The following SLC25A21 variants were observed in gnomAD, a reference collection of about 807,000 sequenced individuals.
SLC25A21 encodes the protein mitochondrial 2-oxodicarboxylate carrier.
In SLC25A21, 47 loss-of-function variants were observed where a neutral mutation model predicts 43.8. The observed-to-expected ratio is 1.07, with a 90% CI of 0.85 to 1.37. The LOEUF is 1.37. SLC25A21 is among the 40% of genes most tolerant of loss of function. SLC25A21 has a pLI of 0.00. For synonymous variants in SLC25A21, 131 were observed against 121.3 expected (o/e 1.08, Z -0.52); for missense variants, 352 against 350.2 (o/e 1.00, Z -0.04).
chr14:36,971,242 T>A (rs73256218), intron 1 of SLC25A21, among the ~76,000 whole-genome samples: 16,432 of 152,148 alleles, frequency 0.11, 2,452 homozygotes, highest in African/African-American at 0.33. Context: ...ATCATTTTCT[T>A]TTCTAACAAA....
intron 1 of SLC25A21, among the ~76,000 whole-genome samples, chr14:37,110,847 G>A (rs919227587): frequency 3.9e-5 from 6 of 152,030 alleles, no homozygotes; most frequent in African/African-American, 1.4e-4. Flanking sequence ...GTTTTGAAGA[G>A]ACTATAAACT....
chr14:36,897,247 C>CT (rs1891267742), intron 1 of SLC25A21, among the ~76,000 whole-genome samples: 1 of 152,084 alleles, frequency 6.6e-6, no homozygotes, highest in South Asian at 2.1e-4. Flanking sequence ...TCTTTTTATT[C>CT]TTTTTTCTCT....
At chr14:36,839,134 G>A (rs961453604) in intron 2 of SLC25A21, among the ~76,000 whole-genome samples, 2 of 152,140 alleles carry the variant, frequency 1.3e-5, no homozygotes, top group Non-Finnish European at 2.9e-5. Context: ...TCCATATGAA[G>A]GTTATTAAAA....
intron 2 of SLC25A21, among the ~76,000 whole-genome samples, chr14:36,864,968 C>A (rs547472554): frequency 2.0e-5 from 3 of 152,096 alleles, no homozygotes; most frequent in Admixed American, 6.5e-5. Context: ...GTCTATACCC[C>A]ATCCTCACCT....
chr14:36,882,151 G>A (rs2138569111), intron 1 of SLC25A21, among the ~76,000 whole-genome samples: 1 of 152,320 alleles, frequency 6.6e-6, no homozygotes, highest in East Asian at 1.9e-4. Flanking sequence ...GGGAGGCCAA[G>A]GCAGGTGGAG....
chr14:36,818,677 T>C (rs1463114459), intron 2 of SLC25A21, among the ~76,000 whole-genome samples: 1 of 152,256 alleles, frequency 6.6e-6, no homozygotes, highest in East Asian at 1.9e-4. Context: ...TGACTTATTC[T>C]GATCACAGAG....
At chr14:36,889,555 T>A (rs890199093) in intron 1 of SLC25A21, among the ~76,000 whole-genome samples, 1 of 152,126 alleles carries the variant, frequency 6.6e-6, no homozygotes, top group Non-Finnish European at 1.5e-5. Flanking sequence ...GGTGCAATCA[T>A]AGCTCACTGC....
chr14:36,977,727 AC>A (rs1352737373), intron 1 of SLC25A21, among the ~76,000 whole-genome samples: 13 of 152,198 alleles, frequency 8.5e-5, no homozygotes, highest in African/African-American at 2.9e-4. Context: ...ATCACACATT[AC>A]TGTCAAAAAG....
chr14:36,991,564 A>C (rs1960264107), intron 1 of SLC25A21, among the ~76,000 whole-genome samples: 1 of 152,220 alleles, frequency 6.6e-6, no homozygotes, highest in Admixed American at 6.5e-5. Context: ...GCCTTAAAGC[A>C]TTCACAAGAA....
At chr14:37,043,903 T>C (rs978593670) in intron 1 of SLC25A21, among the ~76,000 whole-genome samples, 14 of 150,104 alleles carry the variant, frequency 9.3e-5, no homozygotes, top group African/African-American at 3.5e-4. Context: ...TCTGGCTACA[T>C]TTTTTGTTTT....
chr14:36,844,786 T>G (rs1432427779), intron 2 of SLC25A21, among the ~76,000 whole-genome samples: 2 of 152,204 alleles, frequency 1.3e-5, no homozygotes, highest in Non-Finnish European at 2.9e-5. Context: ...AGAAACTTCA[T>G]GCAGCTCAGT....
At chr14:36,892,948 T>C (rs1287765121) in intron 1 of SLC25A21, among the ~76,000 whole-genome samples, 4 of 152,204 alleles carry the variant, frequency 2.6e-5, no homozygotes, top group Admixed American at 6.5e-5. Flanking sequence ...CAGTCTATCA[T>C]TGATGGGCAT....
chr14:36,726,665 G>T (rs1884614464), intron 5 of SLC25A21, among the ~76,000 whole-genome samples: 1 of 152,104 alleles, frequency 6.6e-6, no homozygotes, highest in African/African-American at 2.4e-5. Context: ...CAGAAAATCT[G>T]CATCAAAAAT....
chr14:37,146,725 T>C (rs1369360121), intron 1 of SLC25A21, among the ~76,000 whole-genome samples: 3 of 152,220 alleles, frequency 2.0e-5, no homozygotes, highest in Admixed American at 6.5e-5. Context: ...CAATAAAATT[T>C]AAAAACTAGG....
intron 6 of SLC25A21, among the ~76,000 whole-genome samples, chr14:36,717,735 T>C (rs1286356044): frequency 6.6e-6 from 1 of 152,256 alleles, no homozygotes; most frequent in Non-Finnish European, 1.5e-5. Context: ...CTAGATTTCT[T>C]TATCCCAATG....
intron 1 of SLC25A21, among the ~76,000 whole-genome samples, chr14:36,902,913 T>A (rs1177194329): frequency 6.6e-6 from 1 of 151,824 alleles, no homozygotes; most frequent in Non-Finnish European, 1.5e-5. Flanking sequence ...TGAGGCCAGG[T>A]GGTTGAGGCT....
chr14:36,862,933 A>G lies in SLC25A21; in HGVS notation c.119+12023T>C, dbSNP rs181720948. ...ATCTAAGCTATAGCTTAGGCAAACT[A>G]TCTCATAGGGAAACTTGTGATGGGC... On this transcript the variant is annotated intron_variant, in intron 2 of 9. Transcript: ENST00000331299. Among the ~76,000 whole-genome samples the G allele has an allele frequency of 2.0e-3, 307 of 152,266 alleles. 1 individual carries two copies. The highest frequency in any genetic ancestry group is 3.4e-3 in the Middle Eastern group (1 of 294).
At chr14:36,770,436 G>A (rs901751495) in intron 3 of SLC25A21, among the ~76,000 whole-genome samples, 1 of 152,182 alleles carries the variant, frequency 6.6e-6, no homozygotes, top group African/African-American at 2.4e-5. Flanking sequence ...CTACCTGGGT[G>A]ATGGGATCAT....
chr14:36,973,814 G>T (rs890469500), intron 1 of SLC25A21, among the ~76,000 whole-genome samples: 2 of 152,170 alleles, frequency 1.3e-5, no homozygotes, highest in African/African-American at 2.4e-5. Context: ...AAGGGGGAAA[G>T]AAAACAGCAA....
Sources: allele counts gnomAD v4.1 joint callset (sites outside exome capture counted in the v4.1 genomes callset), GRCh38; gene constraint gnomAD v4.1.1; transcripts MANE v1.5; gene names NCBI Gene and HGNC (gene_info 2026-07-23, HGNC 2026-07-21).